Variants in LHFPL3 observed in about 807,000 individuals in gnomAD.
LHFPL3 encodes the protein LHFPL tetraspan subfamily member 3 protein.
A neutral mutation model predicts 19.3 loss-of-function variants in LHFPL3; 5 were observed. That is an observed-to-expected ratio of 0.26 (90% CI 0.14 to 0.54). The LOEUF (loss-of-function observed/expected upper bound fraction) is 0.54, where lower values mean the gene tolerates loss of function less well. Among genes scored for constraint, LHFPL3 ranks in the 20% least tolerant of loss-of-function variants. The pLI, the probability that LHFPL3 is intolerant of heterozygous loss-of-function variation, is 0.94. For missense variants in LHFPL3, 249 were observed against 307.4 expected (o/e 0.81, Z 1.42); for synonymous variants, 133 against 126.2 (o/e 1.05, Z -0.36).
At chr7:104,369,343 G>A (rs140650830) in intron 1 of LHFPL3, among the ~76,000 whole-genome samples, 4 of 152,248 alleles carry the variant, frequency 2.6e-5, no homozygotes, top group African/African-American at 9.6e-5. Context: ...TTTGCACTTG[G>A]CATCTTTCAC....
chr7:104,669,532 G>C, intron 1 of LHFPL3: 2 of 1,611,816 alleles, frequency 1.2e-6, no homozygotes, highest in South Asian at 1.1e-5. Flanking sequence ...TGCTCTCTCT[G>C]TTGATGGTGA....
chr7:104,635,603 GA>G (rs1166892251), intron 1 of LHFPL3, among the ~76,000 whole-genome samples: 5 of 152,036 alleles, frequency 3.3e-5, no homozygotes, highest in African/African-American at 1.2e-4. Context: ...TATGAAAGTA[GA>G]AAAAAACATT....
intron 1 of LHFPL3, chr7:104,669,506 C>T: frequency 6.2e-7 from 1 of 1,612,004 alleles, no homozygotes; most frequent in East Asian, 2.2e-5. Flanking sequence ...AAGTTCAGTT[C>T]TGCAAGCAAG....
intron 1 of LHFPL3, among the ~76,000 whole-genome samples, chr7:104,427,169 G>A (rs1422982507): frequency 6.6e-6 from 1 of 152,188 alleles, no homozygotes; most frequent in Non-Finnish European, 1.5e-5. Context: ...GGTGGAAGAC[G>A]AGGTGCCAGA....
In LHFPL3 at chr7:104,463,573, T is replaced by G. The variant is rs114275566; in HGVS notation, c.445+134349T>G. Among the ~76,000 whole-genome samples, 421 of 152,310 alleles carry G rather than the reference T, an allele frequency of 2.8e-3. 2 individuals carry two copies. The highest frequency in any genetic ancestry group is 9.6e-3 in the African/African-American group (400 of 41,574). On this transcript the variant is annotated intron_variant, in intron 1 of 2. Coordinates refer to ENST00000424859, the MANE Select transcript of LHFPL3 (RefSeq NM_199000.3). Reference sequence around the variant, plus strand: ...TAATTGACTCACAGTTTAGCATGGCTAGAGAGGCCTCAGGAAACTTACAGT... The same window carrying G: ...TAATTGACTCACAGTTTAGCATGGCGAGAGAGGCCTCAGGAAACTTACAGT...
At chr7:104,494,550 A>G (rs2115704500) in intron 1 of LHFPL3, among the ~76,000 whole-genome samples, 1 of 152,280 alleles carries the variant, frequency 6.6e-6, no homozygotes, top group Non-Finnish European at 1.5e-5. Flanking sequence ...CATGCTAAGA[A>G]AGAACTCCCT....
rs1312723847 is a variant in LHFPL3 at position 104,403,759 on chromosome 7, C to T, written c.445+74535C>T. Among the ~76,000 whole-genome samples, 15 of 134,468 alleles carry T rather than the reference C, an allele frequency of 1.1e-4. No homozygotes were observed. The Admixed American group carries it at 1.2e-3, about 11-fold the overall frequency. The allele number at this position is 134,468 out of a possible 152,430, so 88.2% of individuals were successfully genotyped here. On this transcript the variant is annotated intron_variant, in intron 1 of 2. Coordinates refer to ENST00000424859, the MANE Select transcript of LHFPL3 (RefSeq NM_199000.3). The stretch of plus-strand genomic sequence containing the variant: ...TCTCTCTCTCTCTCTCTCTCTCTCT[C>T]ATCATTAGGAAATGGCCTCTAATGG...
At chr7:104,652,272 C>G (rs1013267408) in intron 1 of LHFPL3, among the ~76,000 whole-genome samples, 1 of 151,898 alleles carries the variant, frequency 6.6e-6, no homozygotes, top group Non-Finnish European at 1.5e-5. Flanking sequence ...GGAGAAAGGG[C>G]CAAGGAAAAG....
intron 1 of LHFPL3, among the ~76,000 whole-genome samples, chr7:104,617,451 A>G (rs1323533405): frequency 6.6e-6 from 1 of 152,178 alleles, no homozygotes; most frequent in African/African-American, 2.4e-5. Flanking sequence ...ATCCCTTCCA[A>G]AGTTTCAGAG....
At chr7:104,752,654 T>G (rs1044300492) in intron 2 of LHFPL3, 1 of 350,998 alleles carries the variant, frequency 2.8e-6, no homozygotes, top group African/African-American at 2.2e-5. Context: ...ATATTTACTT[T>G]TAATTTTACT....
intron 1 of LHFPL3, among the ~76,000 whole-genome samples, chr7:104,492,132 T>C (rs947689735): frequency 2.0e-5 from 3 of 152,260 alleles, no homozygotes; most frequent in African/African-American, 7.2e-5. Context: ...AATATTTTTA[T>C]GTTCTAGCAT....
intron 2 of LHFPL3, among the ~76,000 whole-genome samples, chr7:104,841,700 T>C (rs999434101): frequency 2.0e-5 from 3 of 152,148 alleles, no homozygotes; most frequent in African/African-American, 4.8e-5. Flanking sequence ...ACTGCCTCTT[T>C]TTACTAGCTA....
At chr7:104,865,369 G>A (rs1791702015) in intron 2 of LHFPL3, among the ~76,000 whole-genome samples, 1 of 152,098 alleles carries the variant, frequency 6.6e-6, no homozygotes. Flanking sequence ...CCAGTGCAGA[G>A]AAGTCCTTAA....
At position 104,344,224 on chromosome 7, in the gene LHFPL3, A is replaced by G. The variant is rs148807637; in HGVS notation, c.445+15000A>G. ...AAAAATGAAGCCAACTTTGCCATACATCATGTGACTTGATGCTAATATTTT... is the reference window on the plus strand; with the variant it reads ...AAAAATGAAGCCAACTTTGCCATACGTCATGTGACTTGATGCTAATATTTT... On this transcript the variant is annotated intron_variant, in intron 1 of 2. Coordinates refer to ENST00000424859, the MANE Select transcript of LHFPL3 (RefSeq NM_199000.3). Among the ~76,000 whole-genome samples, 594 of 152,252 alleles carry G rather than the reference A, an allele frequency of 3.9e-3. 6 individuals are homozygous for G. The highest frequency in any genetic ancestry group is 0.014 in the African/African-American group (568 of 41,548).
At chr7:104,815,651 T>A (rs937076424) in intron 2 of LHFPL3, among the ~76,000 whole-genome samples, 3 of 152,020 alleles carry the variant, frequency 2.0e-5, no homozygotes, top group African/African-American at 7.3e-5. Context: ...CGTTCAGAGG[T>A]TCTAACTAAA....
chr7:104,608,601 C>G (rs1791151910), intron 1 of LHFPL3, among the ~76,000 whole-genome samples: 1 of 151,690 alleles, frequency 6.6e-6, no homozygotes, highest in Non-Finnish European at 1.5e-5. Flanking sequence ...ACATATGTAA[C>G]AAACCTGCAC....
intron 1 of LHFPL3, among the ~76,000 whole-genome samples, chr7:104,717,267 AC>A (rs751649957): frequency 5.3e-5 from 8 of 152,162 alleles, no homozygotes; most frequent in Non-Finnish European, 1.0e-4. Flanking sequence ...TGAATATGAC[AC>A]CAAAAGCACA....
At chr7:104,875,079 C>T (rs1436326165) in intron 2 of LHFPL3, among the ~76,000 whole-genome samples, 1 of 151,978 alleles carries the variant, frequency 6.6e-6, no homozygotes, top group Non-Finnish European at 1.5e-5. Context: ...AACTCCTGGT[C>T]TCAAGCAATC....
chr7:104,390,788 A>G (rs1791050134), intron 1 of LHFPL3, among the ~76,000 whole-genome samples: 1 of 152,212 alleles, frequency 6.6e-6, no homozygotes, highest in South Asian at 2.1e-4. Context: ...GAAGTAGTTT[A>G]CAGCCCCACC....
Sources: allele counts gnomAD v4.1 joint callset (sites outside exome capture counted in the v4.1 genomes callset), GRCh38; gene constraint gnomAD v4.1.1; transcripts MANE v1.5; gene names NCBI Gene and HGNC (gene_info 2026-07-23, HGNC 2026-07-21).